The following ZFHX4 variants were observed in gnomAD, a reference collection of about 807,000 sequenced individuals.
ZFHX4 encodes zinc finger homeobox protein 4.
A neutral mutation model predicts 267.6 loss-of-function variants in ZFHX4; 56 were observed. The observed-to-expected ratio is 0.21, with a 90% CI of 0.17 to 0.26. The LOEUF (loss-of-function observed/expected upper bound fraction) is 0.26, where lower values mean the gene tolerates loss of function less well. ZFHX4 is among the 10% of genes least tolerant of loss of function. ZFHX4 has a pLI of 1.00. For missense variants in ZFHX4, 4,332 were observed against 4,420.0 expected (o/e 0.98, Z 0.56); for synonymous variants, 1,778 against 1,665.6 (o/e 1.07, Z -1.64).
rs890019192 is a variant in ZFHX4 at position 76,699,548 on chromosome 8, G to A, written c.-46-4495G>A. Among the ~76,000 whole-genome samples the A allele has an allele frequency of 5.9e-5, 9 of 152,100 alleles. No homozygotes were observed. In the East Asian group the frequency reaches 7.7e-4, roughly 13 times the overall value. The stretch of plus-strand genomic sequence containing the variant: ...TACTTCCACACAGGTATTTACCTGC[G>A]TTATGATATATCAAAAGAGAGACTG... On this transcript the variant is annotated intron_variant, in intron 1 of 10. Transcript: ENST00000651372.
chr8:76,755,376 A>C (rs1259442979), intron 3 of ZFHX4, among the ~76,000 whole-genome samples: 3 of 152,140 alleles, frequency 2.0e-5, no homozygotes, highest in Non-Finnish European at 2.9e-5. Flanking sequence ...TTTAGATCTA[A>C]ATGTTAGGAA....
At chr8:76,813,016 C>T (rs1479309100) in intron 4 of ZFHX4, among the ~76,000 whole-genome samples, 3 of 152,090 alleles carry the variant, frequency 2.0e-5, no homozygotes, top group African/African-American at 7.2e-5. Flanking sequence ...TTAAAAGCCT[C>T]AATTTTTAAA....
chr8:76,844,855 T>C (rs1251149541), intron 6 of ZFHX4, among the ~76,000 whole-genome samples: 1 of 152,146 alleles, frequency 6.6e-6, no homozygotes, highest in African/African-American at 2.4e-5. Flanking sequence ...ACAACTAACA[T>C]GAACATTTAA....
chr8:76,810,833 C>T (rs758894195), intron 4 of ZFHX4, among the ~76,000 whole-genome samples: 15 of 151,820 alleles, frequency 9.9e-5, no homozygotes, highest in South Asian at 2.1e-4. Context: ...TAAATTGGAA[C>T]GAGAAATACA....
At chr8:76,821,685 T>C (rs1373318935) in intron 4 of ZFHX4, among the ~76,000 whole-genome samples, 3 of 152,182 alleles carry the variant, frequency 2.0e-5, no homozygotes, top group Non-Finnish European at 4.4e-5. Flanking sequence ...ATACATTCCC[T>C]GTAGGGAACT....
At chr8:76,764,846 C>G (rs1810010831) in intron 3 of ZFHX4, among the ~76,000 whole-genome samples, 1 of 152,184 alleles carries the variant, frequency 6.6e-6, no homozygotes, top group African/African-American at 2.4e-5. Context: ...GTAGGTTAAG[C>G]AGTGCCTCCC....
chr8:76,683,703 GT>G lies in ZFHX4; in HGVS notation c.-47+2096del, dbSNP rs1290443410. 829 of 141,734 alleles carry G rather than the reference GT, an allele frequency of 5.8e-3. 2 individuals are homozygous for G. Among genetic ancestry groups the G allele is most frequent in the African/African-American group, 0.016 (617 of 38,840 alleles). The allele number at this position is 141,734 out of a possible 1,614,324, so 8.8% of individuals were successfully genotyped here. A position where few individuals can be genotyped will look rare whatever the true frequency, so the allele number is the denominator to read the frequency against. On this transcript the variant is annotated intron_variant, in intron 1 of 10. Coordinates refer to ENST00000651372, the MANE Select transcript of ZFHX4 (RefSeq NM_024721.5). ...GAGAAGAGACAAGAGACAGAGGAGG[GT>G]TTTTTTTTTTTTATTGTGTTCTCCT...
chr8:76,838,343 A>G (rs182725583), intron 5 of ZFHX4, among the ~76,000 whole-genome samples: 34 of 152,318 alleles, frequency 2.2e-4, no homozygotes, highest in Admixed American at 1.1e-3. Context: ...GTGTAAGAAG[A>G]CTGTTCCCAA....
At chr8:76,767,044 G>GTGT (rs1810069440) in intron 3 of ZFHX4, among the ~76,000 whole-genome samples, 1 of 146,832 alleles carries the variant, frequency 6.8e-6, no homozygotes, top group African/African-American at 2.5e-5. Context: ...CTCATAAAGG[G>GTGT]GTGTGTGTGT....
intron 1 of ZFHX4, among the ~76,000 whole-genome samples, chr8:76,684,258 A>G (rs1023383885): frequency 2.6e-5 from 4 of 152,154 alleles, no homozygotes; most frequent in Admixed American, 6.5e-5. Flanking sequence ...CATCTTAAAA[A>G]AAAAAATCCT....
At chr8:76,791,931 T>A (rs72659516) in intron 4 of ZFHX4, among the ~76,000 whole-genome samples, 1 of 152,304 alleles carries the variant, frequency 6.6e-6, no homozygotes, top group Non-Finnish European at 1.5e-5. Context: ...GCATCATGAT[T>A]TTAATGTGTA....
rs187411087 is a variant in ZFHX4, at chr8:76,819,019, A to T, written c.3326-14319A>T. On this transcript the variant is annotated intron_variant, in intron 4 of 10. Transcript: ENST00000651372. The stretch of plus-strand genomic sequence containing the variant: ...AGGTTGAAGCTTGGTGACTATAGAA[A>T]ACTTCACAGCCTGATTAGGCATGGT... Among the ~76,000 whole-genome samples, 281 of 152,308 alleles carry T rather than the reference A, an allele frequency of 1.8e-3. 1 individual carries two copies. The highest frequency in any genetic ancestry group is 4.0e-3 in the Admixed American group (61 of 15,288).
intron 3 of ZFHX4, among the ~76,000 whole-genome samples, chr8:76,754,086 TA>T (rs141899001): frequency 2.3e-3 from 345 of 152,322 alleles, no homozygotes; most frequent in African/African-American, 7.8e-3. Context: ...TTATAGGTGT[TA>T]TATACAGTAC....
intron 1 of ZFHX4, among the ~76,000 whole-genome samples, chr8:76,683,560 T>C (rs989514951): frequency 5.9e-5 from 9 of 151,332 alleles, no homozygotes; most frequent in African/African-American, 9.7e-5. Context: ...CCCCCACCCT[T>C]TTTATTAACT....
At chr8:76,771,746 T>A (rs985961463) in intron 3 of ZFHX4, among the ~76,000 whole-genome samples, 1 of 152,174 alleles carries the variant, frequency 6.6e-6, no homozygotes, top group African/African-American at 2.4e-5. Flanking sequence ...ACACTGTGGT[T>A]ATTGTCCGAA....
chr8:76,781,894 T>C (rs967565962), intron 4 of ZFHX4, among the ~76,000 whole-genome samples: 1 of 151,996 alleles, frequency 6.6e-6, no homozygotes, highest in Admixed American at 6.6e-5. Flanking sequence ...AAACACAGAT[T>C]TTCAATAAGA....
intron 3 of ZFHX4, among the ~76,000 whole-genome samples, chr8:76,748,736 C>T (rs1383094974): frequency 6.6e-6 from 1 of 152,184 alleles, no homozygotes; most frequent in Non-Finnish European, 1.5e-5. Context: ...ATTGTTACCT[C>T]ACACTTACAC....
At chr8:76,847,736 AT>A (rs137929489) in intron 6 of ZFHX4, among the ~76,000 whole-genome samples, 32 of 151,928 alleles carry the variant, frequency 2.1e-4, no homozygotes, top group African/African-American at 7.5e-4. Context: ...AATAGAATGT[AT>A]TTTTTTTGTT....
chr8:76,798,985 G>C (rs1373031541), intron 4 of ZFHX4, among the ~76,000 whole-genome samples: 1 of 152,150 alleles, frequency 6.6e-6, no homozygotes, highest in Non-Finnish European at 1.5e-5. Context: ...GTAAAGAGGA[G>C]AGGCACAATA....
Sources: allele counts gnomAD v4.1 joint callset (sites outside exome capture counted in the v4.1 genomes callset), GRCh38; gene constraint gnomAD v4.1.1; transcripts MANE v1.5; gene names NCBI Gene and HGNC (gene_info 2026-07-23, HGNC 2026-07-21).